AMOTL1: variants seen among roughly 807,000 people sequenced by gnomAD.
AMOTL1 encodes angiomotin-like protein 1.
In AMOTL1, 45 loss-of-function variants were observed where a neutral mutation model predicts 102.9. The ratio of observed to expected loss-of-function variants is 0.44; its 90% CI spans 0.34 to 0.56. The LOEUF is 0.56. AMOTL1 is among the 20% of genes least tolerant of loss of function. The pLI is 0.01. For synonymous variants in AMOTL1, 481 were observed against 484.7 expected (o/e 0.99, Z 0.10); for missense variants, 1,114 against 1,225.6 (o/e 0.91, Z 1.36).
intron 8 of AMOTL1, among the ~76,000 whole-genome samples, chr11:94,855,125 G>A (rs1392919677): frequency 6.6e-6 from 1 of 152,220 alleles, no homozygotes; most frequent in Non-Finnish European, 1.5e-5. Context: ...GGAAATGCAA[G>A]GCAGGGCCCC....
At chr11:94,795,218 C>T (rs746471872) in intron 2 of AMOTL1, 58 bp downstream of exon 2, 100 of 1,581,346 alleles carry the variant, frequency 6.3e-5, no homozygotes, top group Non-Finnish European at 8.5e-5. Context: ...CGTTTCTCAT[C>T]TTTAGCTCTT....
At chr11:94,749,789 C>T (rs2135488146) in intron 3 of AMOTL1, among the ~76,000 whole-genome samples, 1 of 152,266 alleles carries the variant, frequency 6.6e-6, no homozygotes, top group Middle Eastern at 3.4e-3. Context: ...TTGTAGTAAC[C>T]ACCATTAAAT....
intron 4 of AMOTL1, among the ~76,000 whole-genome samples, chr11:94,824,302 A>G (rs1040464660): frequency 3.3e-5 from 5 of 152,158 alleles, no homozygotes; most frequent in African/African-American, 1.2e-4. Flanking sequence ...AAGCAAAGCC[A>G]ATTTTTTCCT....
chr11:94,756,097 C>T (rs73530049), intron 3 of AMOTL1, among the ~76,000 whole-genome samples: 14,687 of 152,138 alleles, frequency 0.097, 1,439 homozygotes, highest in East Asian at 0.28. Context: ...CCTCTGACTG[C>T]CCCCAACCAA....
intron 1 of AMOTL1, among the ~76,000 whole-genome samples, chr11:94,715,373 A>G (rs1950081339): frequency 1.3e-5 from 2 of 152,058 alleles, no homozygotes; most frequent in South Asian, 4.1e-4. Flanking sequence ...GTCTTGCTAT[A>G]TTGCCCAGGC....
At chr11:94,713,228 C>T (rs1950045364) in intron 1 of AMOTL1, among the ~76,000 whole-genome samples, 1 of 151,792 alleles carries the variant, frequency 6.6e-6, no homozygotes, top group Non-Finnish European at 1.5e-5. Context: ...ATATCTCTGA[C>T]AATACCACAC....
Position 94,830,303 on chromosome 11 carries a change from G to A in AMOTL1, c.1558+109G>A, listed in dbSNP as rs922957379. 38 of 1,064,050 alleles carry A rather than the reference G, an allele frequency of 3.6e-5. No homozygotes were observed. The African/African-American group carries it at 6.0e-4, about 17-fold the overall frequency. The allele number at this position is 1,064,050 out of a possible 1,614,324, so 65.9% of individuals were successfully genotyped here. ...TTGCCACAGGTACTGGTCTACCTGTGTTGGATAATCTTGTGTATTTCAATG... is the reference window on the plus strand; with the variant it reads ...TTGCCACAGGTACTGGTCTACCTGTATTGGATAATCTTGTGTATTTCAATG... On this transcript the variant is annotated intron_variant, in intron 5 of 12. Coordinates refer to ENST00000433060, the MANE Select transcript of AMOTL1 (RefSeq NM_130847.3).
Position 94,800,056 on chromosome 11 carries a change from A to G in AMOTL1, c.866A>G (p.Lys289Arg). 1.2e-6 allele frequency: 2 copies of G among 1,614,024 alleles called. No homozygotes were observed. The highest frequency in any genetic ancestry group is 1.7e-6 in the Non-Finnish European group (2 of 1,179,876). ...GGCTCGGGGAATGGAAAGGGCTTCA[A>G]AGTAGGAGGGGGGCCCTCCCCTGCC... ...LPGSGNGKGF[K>R]VGGGPSPAQP... The change falls in exon 3 of 13, where the codon AAA becomes AGA. Residue 289 changes from lysine to arginine, a missense_variant. Transcript: ENST00000433060.
chr11:94,821,916 C>T, intron 4 of AMOTL1, 95 bp downstream of exon 4: 1 of 1,492,832 alleles, frequency 6.7e-7, no homozygotes, highest in South Asian at 1.3e-5. Context: ...TTGCAGTAGA[C>T]CCCTTTTTAT....
chr11:94,823,620 G>A (rs965641429), intron 4 of AMOTL1, among the ~76,000 whole-genome samples: 4 of 152,134 alleles, frequency 2.6e-5, no homozygotes, highest in African/African-American at 4.8e-5. Context: ...GGCAGAGTTT[G>A]GTGCTGGGGT....
chr11:94,839,276 CAACACTAATTG>C (rs1176603147), intron 6 of AMOTL1, among the ~76,000 whole-genome samples: 1 of 152,200 alleles, frequency 6.6e-6, no homozygotes, highest in Non-Finnish European at 1.5e-5. Flanking sequence ...TAACAGCTGC[CAACACTAATTG>C]AACACTAATT....
At chr11:94,756,343 C>T (rs1419306778) in intron 3 of AMOTL1, among the ~76,000 whole-genome samples, 2 of 152,238 alleles carry the variant, frequency 1.3e-5, no homozygotes, top group Non-Finnish European at 2.9e-5. Flanking sequence ...GGACCCCGCC[C>T]TTCTCTACCC....
At chr11:94,754,758 T>C (rs2135493774) in intron 3 of AMOTL1, among the ~76,000 whole-genome samples, 1 of 152,264 alleles carries the variant, frequency 6.6e-6, no homozygotes, top group Non-Finnish European at 1.5e-5. Context: ...TTGCCAGACT[T>C]AGGAAATAAA....
At position 94,850,218 on chromosome 11, in the gene AMOTL1, T is replaced by C; in HGVS notation, c.1753T>C (p.Leu585=). Residue 585 remains leucine, a synonymous_variant, in exon 7 of 13, where the codon TTG becomes CTG. Transcript: ENST00000433060. ...ACACATCGAGATCCTGGACCAGGCTTTGAGCAACGCCCAGGCCAGGGTCAT... is the reference window on the plus strand; with the variant it reads ...ACACATCGAGATCCTGGACCAGGCTCTGAGCAACGCCCAGGCCAGGGTCAT... ...RRHIEILDQA[L]SNAQARVIKL... The C allele has an allele frequency of 6.3e-7, 1 of 1,595,898 alleles. No individual in the cohort carries two copies. Among genetic ancestry groups the C allele is most frequent in the Non-Finnish European group, 8.5e-7 (1 of 1,171,180 alleles).
chr11:94,841,935 A>G (rs542079603), intron 6 of AMOTL1, among the ~76,000 whole-genome samples: 1 of 152,218 alleles, frequency 6.6e-6, no homozygotes. Flanking sequence ...ACCAAATCCT[A>G]CCTGAGATAT....
chr11:94,848,154 G>A lies in AMOTL1; in HGVS notation c.1649-1960G>A, dbSNP rs542385377. ...AGTGACTTTGCACAGAAAGAGTGAG[G>A]TGCTTTGATCCCTTCAGGGCTGTGG... On this transcript the variant is annotated intron_variant, in intron 6 of 12. Transcript: ENST00000433060. Among the ~76,000 whole-genome samples the A allele has an allele frequency of 3.9e-5, 6 of 152,302 alleles. No homozygotes were observed. In the South Asian group the frequency reaches 1.2e-3, roughly 32 times the overall value.
intron 6 of AMOTL1, among the ~76,000 whole-genome samples, chr11:94,832,611 C>T (rs1290661988): frequency 2.0e-5 from 3 of 152,280 alleles, no homozygotes; most frequent in African/African-American, 7.2e-5. Flanking sequence ...GCCCATGTTC[C>T]AGATTCACAT....
At position 94,799,313 on chromosome 11, in the gene AMOTL1, A is replaced by C; in HGVS notation, c.200-77A>C. 1.0e-4 allele frequency: 122 copies of C among 1,187,690 alleles called. No individual in the cohort carries two copies. The highest frequency in any genetic ancestry group is 1.3e-4 in the Non-Finnish European group (113 of 860,356). The allele number at this position is 1,187,690 out of a possible 1,614,324, so 73.6% of individuals were successfully genotyped here. A position where few individuals can be genotyped will look rare whatever the true frequency, so the allele number is the denominator to read the frequency against. ...AAATGTTGCTGTAGTTAGAATGTTAATTATGTACCACATAGTCACAGACAT... is the reference window on the plus strand; with the variant it reads ...AAATGTTGCTGTAGTTAGAATGTTACTTATGTACCACATAGTCACAGACAT... On this transcript the variant is annotated intron_variant, in intron 2 of 12. Transcript: ENST00000433060. This position sits in a 1 kb window ranked among gnomAD's most constrained non-coding sequence, Gnocchi z 4.5.
At chr11:94,861,851 A>G (rs1952780143) in intron 9 of AMOTL1, among the ~76,000 whole-genome samples, 1 of 152,130 alleles carries the variant, frequency 6.6e-6, no homozygotes, top group South Asian at 2.1e-4. Flanking sequence ...TAAAATTCAG[A>G]AGTCGGGAAA....
Sources: gnomAD v4.1 joint callset for allele counts (sites outside exome capture counted in the v4.1 genomes callset) on GRCh38, gnomAD v4.1.1 for gene constraint, Gnocchi (gnomAD v3.1) non-coding constraint, MANE v1.5 for transcripts, NCBI Gene and HGNC (gene_info 2026-07-23, HGNC 2026-07-21) for gene names.